The following LINGO2 variants were observed in gnomAD, a reference collection of about 807,000 sequenced individuals.
The protein encoded by LINGO2 is leucine-rich repeat and immunoglobulin-like domain-containing nogo receptor-interacting protein 2.
LINGO2 carries 14 observed loss-of-function variants against 30.6 expected under a neutral mutation model. That is an observed-to-expected ratio of 0.46 (90% confidence interval 0.30 to 0.72). LINGO2 has a LOEUF of 0.72. Ranked by LOEUF, LINGO2 falls within the 30% of genes least tolerant of loss-of-function variation. The pLI is 0.07. For missense variants in LINGO2, 729 were observed against 751.7 expected, an observed-to-expected ratio of 0.97 and a Z score of 0.35; for synonymous variants, 317 against 288.5, an observed-to-expected ratio of 1.10 and a Z score of -1.00.
At chr9:28,055,833 C>T (rs553736045) in intron 4 of LINGO2, among the ~76,000 whole-genome samples, 1 of 152,216 alleles carries the variant, frequency 6.6e-6, no homozygotes, top group East Asian at 1.9e-4. Context: ...AGTCTTCTTG[C>T]TTAGTCTGTT....
chr9:28,921,285 G>T, the LINGO2 span, among the ~76,000 whole-genome samples: 5 of 152,014 alleles, frequency 3.3e-5, no homozygotes, highest in Admixed American at 6.6e-5. Flanking sequence ...GTAAATGTAG[G>T]CTCTTCATTT....
At chr9:28,066,335 G>C (rs1365900034) in intron 4 of LINGO2, among the ~76,000 whole-genome samples, 1 of 152,102 alleles carries the variant, frequency 6.6e-6, no homozygotes, top group Non-Finnish European at 1.5e-5. Context: ...GAGGAATACT[G>C]AGATCCTGGC....
chr9:28,943,514 A>T, the LINGO2 span, among the ~76,000 whole-genome samples: 1 of 152,108 alleles, frequency 6.6e-6, no homozygotes, highest in African/African-American at 2.4e-5. Context: ...GCATCCACTT[A>T]TTGTTTTATT....
chr9:28,611,513 T>C (rs1475908829), intron 1 of LINGO2, among the ~76,000 whole-genome samples: 1 of 152,106 alleles, frequency 6.6e-6, no homozygotes, highest in Non-Finnish European at 1.5e-5. Flanking sequence ...TGAAACTTCT[T>C]TACCTTTTGA....
chr9:28,452,125 T>C (rs1260820237), intron 2 of LINGO2, among the ~76,000 whole-genome samples: 1 of 151,764 alleles, frequency 6.6e-6, no homozygotes, highest in Non-Finnish European at 1.5e-5. Context: ...GGATGAAAAG[T>C]GACACTTTTT....
At chr9:28,765,224 G>A in the LINGO2 span, among the ~76,000 whole-genome samples, 9 of 151,652 alleles carry the variant, frequency 5.9e-5, no homozygotes, top group African/African-American at 2.2e-4. Context: ...AAAAAGTGGG[G>A]GCATCCCACT....
intron 4 of LINGO2, among the ~76,000 whole-genome samples, chr9:28,083,265 G>C (rs925764790): frequency 1.3e-5 from 2 of 152,162 alleles, no homozygotes; most frequent in Non-Finnish European, 2.9e-5. Flanking sequence ...GTCATTCCTG[G>C]CTTTGGCCCC....
the LINGO2 span, among the ~76,000 whole-genome samples, chr9:29,182,941 T>A: frequency 1.3e-5 from 2 of 152,176 alleles, no homozygotes; most frequent in Non-Finnish European, 1.5e-5. Context: ...TATTCATATC[T>A]CAATGAATAG....
chr9:28,328,915 C>T (rs1825323531), intron 3 of LINGO2, among the ~76,000 whole-genome samples: 1 of 152,088 alleles, frequency 6.6e-6, no homozygotes, highest in African/African-American at 2.4e-5. Context: ...GACAGTGAGT[C>T]CTTCTGGGAT....
the LINGO2 span, among the ~76,000 whole-genome samples, chr9:29,171,196 G>A: frequency 4.6e-5 from 7 of 152,028 alleles, no homozygotes; most frequent in Non-Finnish European, 7.4e-5. Flanking sequence ...ATTTGCATAT[G>A]GTTCCTGAAA....
intron 1 of LINGO2, among the ~76,000 whole-genome samples, chr9:28,582,076 C>T (rs1005979089): frequency 3.9e-5 from 6 of 151,944 alleles, no homozygotes; most frequent in African/African-American, 1.4e-4. Context: ...TTGAGCTCAT[C>T]AGGCTACCTT....
chr9:29,178,221 AT>A, the LINGO2 span, among the ~76,000 whole-genome samples: 1 of 151,576 alleles, frequency 6.6e-6, no homozygotes, highest in Non-Finnish European at 1.5e-5. Flanking sequence ...ACGCCCAGCT[AT>A]TTTTTGCATT....
At chr9:28,861,002 T>C in the LINGO2 span, among the ~76,000 whole-genome samples, 1 of 129,616 alleles carries the variant, frequency 7.7e-6, no homozygotes, top group South Asian at 2.2e-4. Flanking sequence ...TTATATTTAT[T>C]AATATATAAT....
At chr9:27,980,096 G>C (rs1215814535) in intron 5 of LINGO2, among the ~76,000 whole-genome samples, 2 of 151,944 alleles carry the variant, frequency 1.3e-5, no homozygotes, top group South Asian at 2.1e-4. Flanking sequence ...ACCTCACTTC[G>C]AGGCAAGAAT....
chr9:28,421,890 G>T (rs1823213221), intron 2 of LINGO2, among the ~76,000 whole-genome samples: 1 of 151,924 alleles, frequency 6.6e-6, no homozygotes, highest in African/African-American at 2.4e-5. Context: ...CCACAAGAGC[G>T]ACAAGACCAT....
chr9:28,192,482 T>G lies in LINGO2; in HGVS notation c.-87+102726A>C, dbSNP rs191876840. On this transcript the variant is annotated intron_variant, in intron 4 of 5. Transcript: ENST00000379992. The stretch of plus-strand genomic sequence containing the variant: ...TGGCTATATAACCCTTGGTTATCAG[T>G]GATTGCAATTCTTTCCTATTCCTTG... 3.5e-4 allele frequency among the ~76,000 whole-genome samples: 54 copies of G among 152,230 alleles called. 2 individuals are homozygous for G. The highest frequency in any genetic ancestry group is 9.6e-4 in the African/African-American group (40 of 41,552).
intron 2 of LINGO2, among the ~76,000 whole-genome samples, chr9:28,462,162 C>A (rs1021168514): frequency 6.6e-6 from 1 of 152,126 alleles, no homozygotes; most frequent in Middle Eastern, 3.4e-3. Flanking sequence ...GAATGGATTT[C>A]CCAGAGAACC....
the LINGO2 span, among the ~76,000 whole-genome samples, chr9:29,152,037 C>A: frequency 6.6e-6 from 1 of 152,098 alleles, no homozygotes; most frequent in African/African-American, 2.4e-5. Flanking sequence ...AGAAGACATA[C>A]AAGTGGCCAA....
intron 1 of LINGO2, among the ~76,000 whole-genome samples, chr9:28,667,025 C>T (rs1416445939): frequency 1.3e-5 from 2 of 151,986 alleles, no homozygotes; most frequent in Non-Finnish European, 2.9e-5. Context: ...GCTATTTCTC[C>T]ACATAAAAGA....
Sources: allele counts gnomAD v4.1 joint callset (sites outside exome capture counted in the v4.1 genomes callset), GRCh38; gene constraint gnomAD v4.1.1; transcripts MANE v1.5; gene names NCBI Gene and HGNC (gene_info 2026-07-23, HGNC 2026-07-21).